AUTS2: variants seen among roughly 807,000 people sequenced by gnomAD.
AUTS2 encodes the protein autism susceptibility gene 2 protein.
In AUTS2, 17 loss-of-function variants were observed where a neutral mutation model predicts 112.4. That is an observed-to-expected ratio of 0.15 (90% CI 0.10 to 0.23). The LOEUF is 0.23. AUTS2 is among the 10% of genes least tolerant of loss of function. The pLI, the probability that AUTS2 is intolerant of heterozygous loss-of-function variation, is 1.00. For missense variants in AUTS2, 1,510 were observed against 1,701.6 expected, an observed-to-expected ratio of 0.89 and a Z score of 1.98; for synonymous variants, 751 against 702.7, an observed-to-expected ratio of 1.07 and a Z score of -1.09.
At chr7:69,806,190 G>A (rs1306967621) in intron 1 of AUTS2, among the ~76,000 whole-genome samples, 1 of 116,292 alleles carries the variant, frequency 8.6e-6, no homozygotes, top group Admixed American at 9.4e-5. Context: ...ACCATGCCCA[G>A]CCAAGGCTTT....
chr7:70,682,748 T>C (rs1302937916), intron 5 of AUTS2, among the ~76,000 whole-genome samples: 2 of 152,234 alleles, frequency 1.3e-5, no homozygotes, highest in African/African-American at 4.8e-5. Flanking sequence ...GCAGAGAAGC[T>C]TCCTCTCTGT....
At chr7:70,275,901 T>C (rs1787905464) in intron 4 of AUTS2, among the ~76,000 whole-genome samples, 2 of 152,226 alleles carry the variant, frequency 1.3e-5, no homozygotes, top group Non-Finnish European at 2.9e-5. Flanking sequence ...CTCTTTCCTT[T>C]ATAAATTACC....
chr7:69,689,180 G>A (rs1797193545), intron 1 of AUTS2, among the ~76,000 whole-genome samples: 2 of 151,874 alleles, frequency 1.3e-5, no homozygotes, highest in Admixed American at 6.6e-5. Context: ...ATCCCTGCCT[G>A]GGGGGTTTCA....
intron 4 of AUTS2, among the ~76,000 whole-genome samples, chr7:70,158,448 A>T (rs1807899902): frequency 6.6e-6 from 1 of 152,216 alleles, no homozygotes; most frequent in South Asian, 2.1e-4. Flanking sequence ...TCAATGTGGC[A>T]GTGATTTATA....
chr7:70,417,112 C>A (rs568264478), intron 4 of AUTS2, among the ~76,000 whole-genome samples: 2 of 152,294 alleles, frequency 1.3e-5, no homozygotes, highest in African/African-American at 4.8e-5. Context: ...GAGACAGACT[C>A]CGAGATGGCA....
intron 2 of AUTS2, among the ~76,000 whole-genome samples, chr7:70,093,734 C>T (rs142579477): frequency 7.7e-4 from 118 of 152,312 alleles, no homozygotes; most frequent in African/African-American, 2.6e-3. Context: ...AAAGAAATGA[C>T]CCTTGCTAAC....
intron 2 of AUTS2, among the ~76,000 whole-genome samples, chr7:70,065,231 T>C (rs1253209289): frequency 1.3e-5 from 2 of 152,142 alleles, no homozygotes; most frequent in Admixed American, 6.5e-5. Flanking sequence ...GATTATTTTT[T>C]CTTTGCCTCC....
At chr7:70,724,170 G>A (rs774700633) in intron 6 of AUTS2, among the ~76,000 whole-genome samples, 2 of 152,148 alleles carry the variant, frequency 1.3e-5, no homozygotes, top group Non-Finnish European at 2.9e-5. Context: ...GGGATTACAG[G>A]CGTGAGCCAC....
chr7:69,628,627 A>C (rs368580520), intron 1 of AUTS2, among the ~76,000 whole-genome samples: 5 of 152,278 alleles, frequency 3.3e-5, no homozygotes, highest in African/African-American at 1.2e-4. Flanking sequence ...TACATGGTGA[A>C]AGTTGAAGGG....
Position 69,788,536 on chromosome 7 carries a change from G to GT in AUTS2, c.310-110749dup, listed in dbSNP as rs747844932. On this transcript the variant is annotated intron_variant, in intron 1 of 18. Coordinates refer to ENST00000342771, the MANE Select transcript of AUTS2 (RefSeq NM_015570.4). ...CCCAAATCCAGGGAAATAAATGAAAGTGATTATTCACTTTTCTAAAGTCCT... is the reference window on the plus strand; with the variant it reads ...CCCAAATCCAGGGAAATAAATGAAAGTTGATTATTCACTTTTCTAAAGTCCT... 1.4e-4 allele frequency among the ~76,000 whole-genome samples: 22 copies of GT among 152,286 alleles called. 1 individual carries two copies. In the South Asian group the frequency reaches 3.3e-3, roughly 23 times the overall value.
At chr7:70,779,294 G>A (rs192266093) in intron 14 of AUTS2, among the ~76,000 whole-genome samples, 3 of 152,136 alleles carry the variant, frequency 2.0e-5, no homozygotes, top group Admixed American at 6.5e-5. Flanking sequence ...TCTCTGTAAC[G>A]TTCATTTACG....
intron 4 of AUTS2, among the ~76,000 whole-genome samples, chr7:70,189,397 G>T (rs1355287649): frequency 6.6e-6 from 1 of 152,180 alleles, no homozygotes; most frequent in Non-Finnish European, 1.5e-5. Context: ...TCCTTAGAAG[G>T]GAAGGATTCT....
At chr7:70,059,347 T>G (rs976456868) in intron 2 of AUTS2, among the ~76,000 whole-genome samples, 2 of 152,224 alleles carry the variant, frequency 1.3e-5, no homozygotes, top group African/African-American at 2.4e-5. Flanking sequence ...AGCTCATTTC[T>G]TCTTAGCACT....
At chr7:69,862,678 A>G (rs1191770801) in intron 1 of AUTS2, among the ~76,000 whole-genome samples, 1 of 152,182 alleles carries the variant, frequency 6.6e-6, no homozygotes, top group African/African-American at 2.4e-5. Context: ...TCTTTTTAGA[A>G]GGAAGCTTAA....
At chr7:70,672,896 C>T (rs1474264724) in intron 5 of AUTS2, among the ~76,000 whole-genome samples, 1 of 152,182 alleles carries the variant, frequency 6.6e-6, no homozygotes, top group Admixed American at 6.5e-5. Context: ...CCACCATGTC[C>T]GGCCAGGACA....
chr7:69,602,267 A>C lies in AUTS2; in HGVS notation c.309+2305A>C, dbSNP rs187435375. ...AAAGCAGACCAAGTTCAAAATGTAC[A>C]GTTAATACCATTTCTTTCTTTGCTC... On this transcript the variant is annotated intron_variant, in intron 1 of 18. Coordinates refer to ENST00000342771, the MANE Select transcript of AUTS2 (RefSeq NM_015570.4). Among the ~76,000 whole-genome samples, 21 of 152,234 alleles carry C rather than the reference A, an allele frequency of 1.4e-4. No individual in the cohort carries two copies. In the East Asian group the frequency reaches 2.9e-3, roughly 21 times the overall value.
intron 1 of AUTS2, among the ~76,000 whole-genome samples, chr7:69,736,573 G>A (rs1459226210): frequency 1.3e-5 from 2 of 152,208 alleles, no homozygotes; most frequent in Non-Finnish European, 2.9e-5. Flanking sequence ...GTGTTATCCA[G>A]TGTCAGCTTA....
intron 2 of AUTS2, among the ~76,000 whole-genome samples, chr7:69,923,694 T>C (rs1161719028): frequency 6.6e-6 from 1 of 152,216 alleles, no homozygotes; most frequent in Non-Finnish European, 1.5e-5. Context: ...TTCCTATGTG[T>C]TTCATATTTT....
Position 69,929,672 on chromosome 7 carries a change from A to G in AUTS2, c.522+30174A>G, listed in dbSNP as rs77558607. 2.9e-3 allele frequency among the ~76,000 whole-genome samples: 442 copies of G among 152,270 alleles called. 5 individuals carry two copies. Among genetic ancestry groups the G allele is most frequent in the African/African-American group, 0.01 (428 of 41,544 alleles). ...CAATGTGTTTTTCATCTCCGACAGC[A>G]GTTTCATTTCTAAAGATTTGGTTAC... On this transcript the variant is annotated intron_variant, in intron 2 of 18. Transcript: ENST00000342771.
Sources: allele counts gnomAD v4.1 joint callset (sites outside exome capture counted in the v4.1 genomes callset), GRCh38; gene constraint gnomAD v4.1.1; transcripts MANE v1.5; gene names NCBI Gene and HGNC (gene_info 2026-07-23, HGNC 2026-07-21).